GLI3: variants seen among roughly 807,000 people sequenced by gnomAD.
The protein encoded by GLI3 is GLI family zinc finger 3.
Under a neutral mutation model 100.8 loss-of-function variants are expected in GLI3, and 20 were observed. That is an observed-to-expected ratio of 0.20 (90% CI 0.14 to 0.29). The LOEUF (loss-of-function observed/expected upper bound fraction) is 0.29. Among genes scored for constraint, GLI3 ranks in the 10% least tolerant of loss-of-function variants. The probability of loss-of-function intolerance (pLI) is 1.00; values close to 1 mark genes in which losing one functional copy is unlikely to be tolerated. For synonymous variants in GLI3, 938 were observed against 860.5 expected (o/e 1.09, Z -1.58); for missense variants, 2,040 against 2,128.5 (o/e 0.96, Z 0.82).
At chr7:42,235,465 A>C (rs1788771360) in intron 1 of GLI3, among the ~76,000 whole-genome samples, 1 of 152,152 alleles carries the variant, frequency 6.6e-6, no homozygotes. Flanking sequence ...GCTCAAGCTG[A>C]AACTCTTTTA....
At chr7:42,058,064 G>C (rs1174858316) in intron 4 of GLI3, among the ~76,000 whole-genome samples, 2 of 151,674 alleles carry the variant, frequency 1.3e-5, no homozygotes, top group Non-Finnish European at 2.9e-5. Flanking sequence ...TAATAAAAAA[G>C]CTTTAAAAAT....
chr7:42,057,770 T>C (rs955371957), intron 4 of GLI3, among the ~76,000 whole-genome samples: 1 of 152,148 alleles, frequency 6.6e-6, no homozygotes, highest in African/African-American at 2.4e-5. Flanking sequence ...GTGAAGTAAC[T>C]CAAGAATGGA....
intron 2 of GLI3, among the ~76,000 whole-genome samples, chr7:42,199,211 G>A (rs1347942335): frequency 1.3e-5 from 2 of 152,108 alleles, no homozygotes; most frequent in Admixed American, 1.3e-4. Context: ...CGCAAAGCTG[G>A]GTTACTAACA....
Position 41,978,684 on chromosome 7 carries a change from G to A in GLI3, c.1562C>T (p.Ser521Leu). ...KEFVCRWLDC[S>L]REQKPFKAQY... is the part of the protein sequence containing the mutation. The stretch of plus-strand genomic sequence containing the variant: ...GGCTTTGAAGGGTTTCTGCTCTCTT[G>A]AGCAGTCCAGCCACCTGCACACGAA... The change falls in exon 11 of 15, where the codon TCA (serine) becomes TTA (leucine). Residue 521 changes from serine (S) to leucine (L), a missense_variant. By Grantham distance (145) the Ser-to-Leu change is moderately radical. Coordinates refer to ENST00000395925, the MANE Select transcript of GLI3 (RefSeq NM_000168.6). The A allele has an allele frequency of 1.2e-6, 2 of 1,613,616 alleles. No homozygotes were observed. The highest frequency in any genetic ancestry group is 1.7e-5 in the Admixed American group (1 of 60,010).
chr7:42,182,662 A>ATATATATATACGTGTG (rs1554337072), intron 2 of GLI3, among the ~76,000 whole-genome samples: 1 of 76,742 alleles, frequency 1.3e-5, no homozygotes, highest in African/African-American at 6.7e-5. Flanking sequence ...ATATATATAT[A>ATATATATATACGTGTG]TATATATATA....
At chr7:42,178,035 CA>C (rs1787515440) in intron 2 of GLI3, among the ~76,000 whole-genome samples, 1 of 152,204 alleles carries the variant, frequency 6.6e-6, no homozygotes, top group Non-Finnish European at 1.5e-5. Context: ...TGGAAAAAAT[CA>C]GTGCTAACAA....
rs1402584494 is a variant in GLI3 at position 41,964,569 on chromosome 7, C to T, written c.4504G>A (p.Val1502Ile). Reference sequence around the variant, plus strand: ...ATGATGGCATCGAAGTCAATCTGTACCCCTTCCAGGTCATGGCTGTCGAGG... The same window carrying T: ...ATGATGGCATCGAAGTCAATCTGTATCCCTTCCAGGTCATGGCTGTCGAGG... Reference protein sequence around the residue: ...DSLDSHDLEGVQIDFDAIIDD... With the variant: ...DSLDSHDLEGIQIDFDAIIDD... Residue 1502 changes from valine (V) to isoleucine (I), a missense_variant, in exon 15 of 15, where the codon GTA (valine) becomes ATA (isoleucine). By Grantham distance (29) the Val-to-Ile change is conservative. This residue lies in a region of GLI3 where 1,041 missense variants were observed against 924.0 expected (regional missense o/e 1.13). Coordinates refer to ENST00000395925, the MANE Select transcript of GLI3 (RefSeq NM_000168.6). 2 of 1,614,006 alleles carry T rather than the reference C, an allele frequency of 1.2e-6. No homozygotes were observed. Among genetic ancestry groups the T allele is most frequent in the Non-Finnish European group, 8.5e-7 (1 of 1,179,846 alleles).
intron 1 of GLI3, among the ~76,000 whole-genome samples, chr7:42,251,944 A>T (rs1789037424): frequency 6.6e-6 from 1 of 152,076 alleles, no homozygotes. Context: ...AAATGAACAC[A>T]CTCTGACAAT....
upstream of GLI3, among the ~76,000 whole-genome samples, chr7:42,242,328 ACTTGTTTACATAACTTGCCTCACTC>A (rs1471022855): frequency 6.6e-6 from 1 of 152,162 alleles, no homozygotes; most frequent in Non-Finnish European, 1.5e-5. Context: ...TTGCAGCATC[ACTTGTTTACATAACTTGCCTCACTC>A]CTGGAAACGT....
intron 3 of GLI3, among the ~76,000 whole-genome samples, chr7:42,101,338 C>T (rs1019907158): frequency 6.6e-6 from 1 of 152,136 alleles, no homozygotes; most frequent in Non-Finnish European, 1.5e-5. Context: ...TGGTGGCTCC[C>T]GCCTGTAATC....
At chr7:42,182,660 A>ATATATATATATATATATACATGTGTGTG in intron 2 of GLI3, among the ~76,000 whole-genome samples, 1 of 59,104 alleles carries the variant, frequency 1.7e-5, no homozygotes, top group African/African-American at 9.7e-5. Flanking sequence ...ATATATATAT[A>ATATATATATATATATATACATGTGTGTG]TATATATATA....
intron 10 of GLI3, among the ~76,000 whole-genome samples, chr7:41,980,220 C>T (rs1400429909): frequency 1.3e-5 from 2 of 152,178 alleles, no homozygotes; most frequent in East Asian, 3.9e-4. Context: ...GGAGCAACCC[C>T]ACGGCAAACA....
rs1789119620 is a variant in GLI3 at position 42,026,555 on chromosome 7, T to C, written c.1029-143A>G. ...GAGAAGGTAGGATTATTGCCAAGCATCTTGAAAACTTCTAAGAGAAAGATG... is the reference window on the plus strand; with the variant it reads ...GAGAAGGTAGGATTATTGCCAAGCACCTTGAAAACTTCTAAGAGAAAGATG... On this transcript the variant is annotated intron_variant, in intron 7 of 14. Transcript: ENST00000395925. 1.7e-5 allele frequency: 12 copies of C among 716,692 alleles called. No individual in the cohort carries two copies. The South Asian group carries it at 1.7e-4, about 10-fold the overall frequency. The allele number at this position is 716,692 out of a possible 1,614,324, so 44.4% of individuals were successfully genotyped here. A position where few individuals can be genotyped will look rare whatever the true frequency, so the allele number is the denominator to read the frequency against.
chr7:42,146,120 T>C (rs574827141), intron 3 of GLI3, among the ~76,000 whole-genome samples: 1 of 152,318 alleles, frequency 6.6e-6, no homozygotes, highest in South Asian at 2.1e-4. Context: ...AAAATTGTAT[T>C]TGCCATTTGG....
At chr7:42,159,012 C>T (rs752608397) in intron 2 of GLI3, among the ~76,000 whole-genome samples, 3 of 152,180 alleles carry the variant, frequency 2.0e-5, no homozygotes, top group Non-Finnish European at 2.9e-5. Flanking sequence ...TAGTATCTTG[C>T]AGTGTAAATG....
intron 3 of GLI3, among the ~76,000 whole-genome samples, chr7:42,114,537 G>T (rs574593928): frequency 6.6e-6 from 1 of 152,256 alleles, no homozygotes; most frequent in Admixed American, 6.5e-5. Flanking sequence ...AAAAAGAAAT[G>T]TGTCCTTCAG....
intron 4 of GLI3, among the ~76,000 whole-genome samples, chr7:42,064,947 G>A (rs1391939914): frequency 2.0e-5 from 3 of 151,986 alleles, no homozygotes; most frequent in African/African-American, 4.8e-5. Flanking sequence ...GGCTCACAGA[G>A]GTCAGACCCC....
intron 2 of GLI3, among the ~76,000 whole-genome samples, chr7:42,166,602 C>T (rs1319858145): frequency 6.9e-6 from 1 of 144,178 alleles, no homozygotes; most frequent in East Asian, 2.0e-4. Flanking sequence ...GAGAAGGGGG[C>T]AGAGGGAAGT....
chr7:42,260,652 C>A (rs547016500), intron 1 of GLI3, among the ~76,000 whole-genome samples: 1 of 151,930 alleles, frequency 6.6e-6, no homozygotes, highest in Non-Finnish European at 1.5e-5. Flanking sequence ...TTAACTACAA[C>A]GTAGTGAATG....
Sources: gnomAD v4.1 joint callset for allele counts (sites outside exome capture counted in the v4.1 genomes callset) on GRCh38, gnomAD v4.1.1 for gene constraint, gnomAD v4.1.1 regional missense constraint, MANE v1.5 for transcripts, NCBI Gene and HGNC (gene_info 2026-07-23, HGNC 2026-07-21) for gene names.